The following TPST2 variants were observed in gnomAD, a reference collection of about 807,000 sequenced individuals.
The protein encoded by TPST2 is protein-tyrosine sulfotransferase 2.
Under a neutral mutation model 27.8 loss-of-function variants are expected in TPST2, and 16 were observed. That is an observed-to-expected ratio of 0.58 (90% CI 0.39 to 0.88). The LOEUF is 0.88. TPST2 is among the 40% of genes least tolerant of loss of function. The probability of loss-of-function intolerance (pLI) is 0.00; values close to 1 mark genes in which losing one functional copy is unlikely to be tolerated. For synonymous variants in TPST2, 229 were observed against 231.7 expected (o/e 0.99, Z 0.10); for missense variants, 464 against 543.1 (o/e 0.85, Z 1.45).
intron 1 of TPST2, among the ~76,000 whole-genome samples, chr22:26,570,687 T>C (rs893811090): frequency 6.6e-6 from 1 of 151,368 alleles, no homozygotes; most frequent in Non-Finnish European, 1.5e-5. Context: ...TCTTCCTCCC[T>C]GCACCTGGGT....
chr22:26,574,660 C>T (rs771411375), intron 1 of TPST2, among the ~76,000 whole-genome samples: 2 of 152,182 alleles, frequency 1.3e-5, no homozygotes, highest in Non-Finnish European at 2.9e-5. Context: ...CATGCCCAGT[C>T]CTAAGTAGAG....
intron 1 of TPST2, among the ~76,000 whole-genome samples, chr22:26,579,195 A>G (rs896505857): frequency 6.6e-6 from 1 of 152,112 alleles, no homozygotes; most frequent in Non-Finnish European, 1.5e-5. Context: ...TTTTCTTCCC[A>G]AAACTCTTAG....
chr22:26,542,822 G>A (rs1036758835), intron 2 of TPST2, among the ~76,000 whole-genome samples: 2 of 152,224 alleles, frequency 1.3e-5, no homozygotes, highest in Non-Finnish European at 2.9e-5. Context: ...TTTGGTGGAA[G>A]CCAGTGGGAA....
rs540171830 is a variant in TPST2 at position 26,540,701 on chromosome 22, G to A, written c.842+88C>T. ...ATAGTGACTTGCCCAAGGCCACACA[G>A]CTCAAGAAAGGCAGTGCTGATTTTC... On this transcript the variant is annotated intron_variant, in intron 3 of 6. Coordinates refer to ENST00000338754, the MANE Select transcript of TPST2 (RefSeq NM_003595.5). The A allele has an allele frequency of 1.5e-5, 19 of 1,307,336 alleles. No individual in the cohort carries two copies. In the African/African-American group the frequency reaches 1.6e-4, roughly 11 times the overall value. 81.0% of individuals were successfully genotyped at this position (1,307,336 alleles called of 1,614,324 possible). A position where few individuals can be genotyped will look rare whatever the true frequency, so the allele number is the denominator to read the frequency against.
rs566411311 is a variant in TPST2, at chr22:26,528,405, G to A, written c.1093-143C>T. 1.4e-5 allele frequency: 15 copies of A among 1,090,710 alleles called. No homozygotes were observed. The East Asian group carries it at 3.4e-4, about 25-fold the overall frequency. 67.6% of individuals were successfully genotyped at this position (1,090,710 alleles called of 1,614,324 possible). A position where few individuals can be genotyped will look rare whatever the true frequency, so the allele number is the denominator to read the frequency against. On this transcript the variant is annotated intron_variant, in intron 5 of 6. Coordinates refer to ENST00000338754, the MANE Select transcript of TPST2 (RefSeq NM_003595.5). ...ACTGTACATCTACTATGTGCCAGGT[G>A]CTGGGATAGCGTGGTGAGCGGGACA... is the stretch of plus-strand genomic sequence containing the variant.
chr22:26,570,070 A>AGAAG (rs1569194000), intron 1 of TPST2, among the ~76,000 whole-genome samples: 1 of 150,754 alleles, frequency 6.6e-6, no homozygotes, highest in African/African-American at 2.4e-5. Context: ...AAAGAAGGAA[A>AGAAG]GAAAGAAAGA....
rs1043745356 is a variant in TPST2 at position 26,525,706 on chromosome 22, C to G, written c.*569G>C. The G allele has an allele frequency of 6.6e-6, 1 of 152,242 alleles. No individual in the cohort carries two copies. Among genetic ancestry groups the G allele is most frequent in the Non-Finnish European group, 1.5e-5 (1 of 68,004 alleles). 9.4% of individuals were successfully genotyped at this position (152,242 alleles called of 1,614,324 possible). On this transcript the variant is annotated 3_prime_UTR_variant, in exon 7 of 7. Coordinates refer to ENST00000338754, the MANE Select transcript of TPST2 (RefSeq NM_003595.5). ...AGCTTTTTGCTCATCACAAATCTAC[C>G]TGACAAAATCCAGTATGGAAAGAAA...
In TPST2 at chr22:26,550,292, T is replaced by C. The variant is rs74791737; in HGVS notation, c.-160-5617A>G. Among the ~76,000 whole-genome samples, 1,311 of 152,086 alleles carry C rather than the reference T, an allele frequency of 8.6e-3. 4 individuals carry two copies. Among genetic ancestry groups the C allele is most frequent in the Middle Eastern group, 0.024 (7 of 294 alleles). ...TGCCTTCATAGAGCTGACATTCCAGTGGGGAGCCAAGAAACCAGTATGTGA... is the reference window on the plus strand; with the variant it reads ...TGCCTTCATAGAGCTGACATTCCAGCGGGGAGCCAAGAAACCAGTATGTGA... On this transcript the variant is annotated intron_variant, in intron 1 of 6. Coordinates refer to ENST00000338754, the MANE Select transcript of TPST2 (RefSeq NM_003595.5).
rs769147490 is a variant in TPST2 at position 26,541,049 on chromosome 22, C to T, written c.582G>A (p.Thr194=). ...CAAAGCCCGCAATGGTGACTTTGCGCGTGATCATGGAGTGCACGGAGGCCC... is the reference window on the plus strand; with the variant it reads ...CAAAGCCCGCAATGGTGACTTTGCGTGTGATCATGGAGTGCACGGAGGCCC... ...DGRASVHSMI[T]RKVTIAGFDL... Residue 194 remains threonine, a synonymous_variant, in exon 3 of 7, where the codon ACG becomes ACA. Coordinates refer to ENST00000338754, the MANE Select transcript of TPST2 (RefSeq NM_003595.5). This position sits in a 1 kb window ranked among gnomAD's most constrained non-coding sequence, Gnocchi z 5.9. 1.3e-5 allele frequency: 21 copies of T among 1,613,764 alleles called. No homozygotes were observed. The highest frequency in any genetic ancestry group is 1.6e-4 in the Middle Eastern group (1 of 6,082).
chr22:26,589,433 G>C (rs1928468652), intron 1 of TPST2, among the ~76,000 whole-genome samples: 1 of 151,956 alleles, frequency 6.6e-6, no homozygotes, highest in Admixed American at 6.6e-5. Flanking sequence ...AGCTCACACC[G>C]AGAAGCGGAG....
intron 1 of TPST2, among the ~76,000 whole-genome samples, chr22:26,563,845 C>T (rs549397380): frequency 2.6e-5 from 4 of 152,324 alleles, no homozygotes; most frequent in Admixed American, 2.6e-4. Context: ...GGCTGCTAGT[C>T]CCATGCCTTA....
chr22:26,582,730 C>A (rs1249107238), intron 1 of TPST2, among the ~76,000 whole-genome samples: 1 of 152,162 alleles, frequency 6.6e-6, no homozygotes, highest in Non-Finnish European at 1.5e-5. Context: ...GTGCTGGGAT[C>A]AAGGCATGAC....
chr22:26,541,314 ACGCG>A lies in TPST2; in HGVS notation c.313_316del (p.Arg105CysfsTer23). ...GGACCAGGCCTGGCGCATGGCCAGC[ACGCG>A]CGGGATGATGCGGGTCTCCTCGCCG... On this transcript the variant is annotated frameshift_variant, in exon 3 of 7. Transcript: ENST00000338754. LOFTEE classifies it high-confidence loss of function. This position sits in a 1 kb window ranked among gnomAD's most constrained non-coding sequence, Gnocchi z 5.9. 1 of 1,544,344 alleles carries A rather than the reference ACGCG, an allele frequency of 6.5e-7. No homozygotes were observed. The highest frequency in any genetic ancestry group is 8.7e-7 in the Non-Finnish European group (1 of 1,143,406).
At chr22:26,577,459 C>T (rs1041065250) in intron 1 of TPST2, among the ~76,000 whole-genome samples, 2 of 151,846 alleles carry the variant, frequency 1.3e-5, no homozygotes, top group African/African-American at 2.4e-5. Context: ...ATTCTCCTGC[C>T]TCATCCTCCC....
At chr22:26,531,906 T>A (rs1925181383) in intron 5 of TPST2, among the ~76,000 whole-genome samples, 1 of 152,166 alleles carries the variant, frequency 6.6e-6, no homozygotes, top group Non-Finnish European at 1.5e-5. Flanking sequence ...CTTTACTAAC[T>A]GCTACCTGTT....
At chr22:26,537,810 T>G (rs1025928306) in intron 3 of TPST2, among the ~76,000 whole-genome samples, 5 of 152,076 alleles carry the variant, frequency 3.3e-5, no homozygotes, top group African/African-American at 9.7e-5. Context: ...GCACACGCTC[T>G]CTCTCTCACA....
At chr22:26,535,225 G>A (rs1329039397) in intron 4 of TPST2, among the ~76,000 whole-genome samples, 1 of 152,192 alleles carries the variant, frequency 6.6e-6, no homozygotes, top group Admixed American at 6.6e-5. Flanking sequence ...GATTCAATAC[G>A]ATAACTGTTT....
rs1298023184 is a variant in TPST2, at chr22:26,525,899, G to A, written c.*376C>T. On this transcript the variant is annotated 3_prime_UTR_variant, in exon 7 of 7. Coordinates refer to ENST00000338754, the MANE Select transcript of TPST2 (RefSeq NM_003595.5). ...TAGATTCTTTGAATTCAAAGTAAGG[G>A]TCAATAGGAGAGGCACAGGTTGTGG... is the stretch of plus-strand genomic sequence containing the variant. The A allele has an allele frequency of 6.6e-6, 1 of 152,246 alleles. No homozygotes were observed. The highest frequency in any genetic ancestry group is 1.5e-5 in the Non-Finnish European group (1 of 68,030). 9.4% of individuals were successfully genotyped at this position (152,246 alleles called of 1,614,324 possible). A position where few individuals can be genotyped will look rare whatever the true frequency, so the allele number is the denominator to read the frequency against.
intron 1 of TPST2, among the ~76,000 whole-genome samples, chr22:26,551,783 T>C (rs1926483234): frequency 6.6e-6 from 1 of 151,972 alleles, no homozygotes; most frequent in Middle Eastern, 3.4e-3. Flanking sequence ...GAATAACACC[T>C]GGAAGAGTGT....
Sources: gnomAD v4.1 joint callset for allele counts (sites outside exome capture counted in the v4.1 genomes callset) on GRCh38, gnomAD v4.1.1 for gene constraint, Gnocchi (gnomAD v3.1) non-coding constraint, MANE v1.5 for transcripts, NCBI Gene and HGNC (gene_info 2026-07-23, HGNC 2026-07-21) for gene names.